The following DYNC1I1 variants were observed in gnomAD, a reference collection of about 807,000 sequenced individuals.
DYNC1I1 encodes dynein cytoplasmic 1 intermediate chain 1.
In DYNC1I1, 43 loss-of-function variants were observed where a neutral mutation model predicts 86.6. The observed-to-expected ratio is 0.50, with a 90% CI of 0.39 to 0.64. The LOEUF is 0.64. Ranked by LOEUF, DYNC1I1 falls within the 30% of genes least tolerant of loss-of-function variation. The pLI, the probability that DYNC1I1 is intolerant of heterozygous loss-of-function variation, is 0.00. For synonymous variants in DYNC1I1, 262 were observed against 283.7 expected (o/e 0.92, Z 0.77); for missense variants, 604 against 788.8 (o/e 0.77, Z 2.81).
At chr7:95,813,915 A>G (rs1438841973) in intron 4 of DYNC1I1, among the ~76,000 whole-genome samples, 1 of 152,172 alleles carries the variant, frequency 6.6e-6, no homozygotes, top group African/African-American at 2.4e-5. Flanking sequence ...AGACTCACAG[A>G]TTATGTAACT....
intron 6 of DYNC1I1, among the ~76,000 whole-genome samples, chr7:95,911,281 A>G (rs1447704388): frequency 6.6e-6 from 1 of 152,208 alleles, no homozygotes; most frequent in African/African-American, 2.4e-5. Context: ...ATCTGAAGCC[A>G]GGAGGTAAGT....
chr7:96,013,405 A>T (rs1278987214), intron 10 of DYNC1I1, among the ~76,000 whole-genome samples: 4 of 152,134 alleles, frequency 2.6e-5, no homozygotes, highest in African/African-American at 9.7e-5. Flanking sequence ...CTGTAAGATA[A>T]TAAATTTATG....
intron 1 of DYNC1I1, among the ~76,000 whole-genome samples, chr7:95,781,459 A>G (rs1045477978): frequency 2.6e-5 from 4 of 152,206 alleles, no homozygotes; most frequent in Non-Finnish European, 5.9e-5. Flanking sequence ...CTTAAAGTAG[A>G]TAGAAAAGTT....
At chr7:95,983,844 G>A (rs1000430003) in intron 7 of DYNC1I1, among the ~76,000 whole-genome samples, 1 of 152,212 alleles carries the variant, frequency 6.6e-6, no homozygotes, top group East Asian at 1.9e-4. Context: ...AGGAGCTTCT[G>A]TACTACTTAC....
At chr7:96,031,821 C>A (rs1794813655) in intron 11 of DYNC1I1, among the ~76,000 whole-genome samples, 1 of 152,136 alleles carries the variant, frequency 6.6e-6, no homozygotes, top group Admixed American at 6.6e-5. Context: ...AAATCTAACC[C>A]AAATTGCTGT....
intron 16 of DYNC1I1, among the ~76,000 whole-genome samples, chr7:96,104,453 A>G (rs1791184889): frequency 6.6e-6 from 1 of 152,136 alleles, no homozygotes; most frequent in Admixed American, 6.5e-5. Context: ...GCCACAGGTC[A>G]CAAAGATATT....
intron 15 of DYNC1I1, among the ~76,000 whole-genome samples, chr7:96,077,145 T>G (rs1036792476): frequency 1.3e-5 from 2 of 151,824 alleles, no homozygotes; most frequent in South Asian, 2.1e-4. Context: ...AACAAAAAGG[T>G]CTTTTGAAGT....
intron 5 of DYNC1I1, among the ~76,000 whole-genome samples, chr7:95,842,695 G>A (rs1009869870): frequency 2.0e-5 from 3 of 152,134 alleles, no homozygotes; most frequent in African/African-American, 7.2e-5. Flanking sequence ...TGCTGAAGTG[G>A]GAATTTTCTC....
rs1012997229 is a variant in DYNC1I1, at chr7:95,844,384, A to G, written c.374+16268A>G. Among the ~76,000 whole-genome samples the G allele has an allele frequency of 3.9e-5, 6 of 152,182 alleles. No homozygotes were observed. In the East Asian group the frequency reaches 5.8e-4, roughly 15 times the overall value. On this transcript the variant is annotated intron_variant, in intron 5 of 16. Transcript: ENST00000447467. ...AGAAAGAACTTAGATTTTATTTTCA[A>G]TGTTTGAGAGACACTGTTAATGTAC...
chr7:95,922,337 G>A (rs1290183913), intron 6 of DYNC1I1, among the ~76,000 whole-genome samples: 2 of 152,106 alleles, frequency 1.3e-5, no homozygotes, highest in Non-Finnish European at 2.9e-5. Context: ...GGACACAGAA[G>A]GCAAAACTCT....
At chr7:96,045,148 T>G (rs1789170929) in intron 14 of DYNC1I1, among the ~76,000 whole-genome samples, 2 of 152,220 alleles carry the variant, frequency 1.3e-5, no homozygotes, top group South Asian at 4.2e-4. Context: ...GAGCAAAGGA[T>G]TGGATGCCCC....
At chr7:95,792,581 T>C (rs1794332632) in intron 1 of DYNC1I1, among the ~76,000 whole-genome samples, 1 of 152,218 alleles carries the variant, frequency 6.6e-6, no homozygotes, top group East Asian at 1.9e-4. Context: ...TGAAGCCTAC[T>C]ACGAAAGCAT....
chr7:95,943,662 G>A (rs1340015446), intron 6 of DYNC1I1, among the ~76,000 whole-genome samples: 3 of 148,582 alleles, frequency 2.0e-5, no homozygotes, highest in Non-Finnish European at 3.0e-5. Context: ...CATGGTACTG[G>A]CACCAAAACA....
chr7:95,861,364 A>C (rs1354774972), intron 5 of DYNC1I1, among the ~76,000 whole-genome samples: 1 of 152,196 alleles, frequency 6.6e-6, no homozygotes, highest in Admixed American at 6.5e-5. Flanking sequence ...ACGTTCTTGC[A>C]TTCTCATACT....
chr7:95,967,797 A>T (rs1053701934), intron 6 of DYNC1I1, among the ~76,000 whole-genome samples: 42 of 152,288 alleles, frequency 2.8e-4, no homozygotes, highest in African/African-American at 9.9e-4. Context: ...GGAAAAGAAG[A>T]AGGGAGTCTG....
intron 6 of DYNC1I1, among the ~76,000 whole-genome samples, chr7:95,972,322 T>C (rs1175921210): frequency 6.6e-6 from 1 of 152,136 alleles, no homozygotes; most frequent in Non-Finnish European, 1.5e-5. Flanking sequence ...CTTGCCAGGA[T>C]GTTGGGCGTC....
chr7:95,972,344 T>G (rs1793195338), intron 6 of DYNC1I1, among the ~76,000 whole-genome samples: 1 of 152,142 alleles, frequency 6.6e-6, no homozygotes. Flanking sequence ...CTGCTGCTAC[T>G]GCGTTTTCCT....
intron 6 of DYNC1I1, among the ~76,000 whole-genome samples, chr7:95,939,053 C>T (rs1258126812): frequency 2.6e-5 from 4 of 152,168 alleles, no homozygotes; most frequent in African/African-American, 9.6e-5. Context: ...TTTCATTATG[C>T]ACCCAGTAGT....
chr7:95,950,081 C>T (rs1321427858), intron 6 of DYNC1I1, among the ~76,000 whole-genome samples: 3 of 151,662 alleles, frequency 2.0e-5, no homozygotes, highest in Non-Finnish European at 2.9e-5. Context: ...TTTTTCCTTA[C>T]TTGGTAAATA....
Sources: allele counts gnomAD v4.1 joint callset (sites outside exome capture counted in the v4.1 genomes callset), GRCh38; gene constraint gnomAD v4.1.1; transcripts MANE v1.5; gene names NCBI Gene and HGNC (gene_info 2026-07-23, HGNC 2026-07-21).